Variants in ENTPD1 observed in about 807,000 individuals in gnomAD.
ENTPD1 encodes the protein ATP diphosphohydrolase.
ENTPD1 carries 33 observed loss-of-function variants against 57.0 expected under a neutral mutation model. The ratio of observed to expected loss-of-function variants is 0.58; its 90% confidence interval spans 0.44 to 0.77. The LOEUF (loss-of-function observed/expected upper bound fraction) is 0.77. Among genes scored for constraint, ENTPD1 ranks in the 30% least tolerant of loss-of-function variants. The probability of loss-of-function intolerance (pLI) is 0.00; values close to 1 mark genes in which losing one functional copy is unlikely to be tolerated. For synonymous variants in ENTPD1, 202 were observed against 218.8 expected, an observed-to-expected ratio of 0.92 and a Z score of 0.68; for missense variants, 501 against 603.4, an observed-to-expected ratio of 0.83 and a Z score of 1.78.
chr10:95,739,233 G>A (rs1486195541), intron 1 of ENTPD1, among the ~76,000 whole-genome samples: 1 of 152,108 alleles, frequency 6.6e-6, no homozygotes, highest in Non-Finnish European at 1.5e-5. Flanking sequence ...GGTGGCTGTG[G>A]CAATTTCTTA....
Position 95,847,604 on chromosome 10 carries a change from A to G in ENTPD1, c.972A>G (p.Gln324=), listed in dbSNP as rs376745066. Residue 324 remains glutamine (Q), a synonymous_variant, in exon 7 of 10, where the codon CAA becomes CAG. Coordinates refer to ENST00000371205, the MANE Select transcript of ENTPD1 (RefSeq NM_001776.6). ...TCCAGGGTATTGGAAACTATCAACA[A>G]TGCCATCAAAGCATCCTGGAGCTCT... ...FEIQGIGNYQ[Q]CHQSILELFN... is the part of the protein sequence containing the mutation. The G allele has an allele frequency of 2.2e-5, 36 of 1,614,038 alleles. No individual in the cohort carries two copies. The African/African-American group carries it at 4.5e-4, about 20-fold the overall frequency.
At chr10:95,862,116 G>A (rs555738630) in intron 8 of ENTPD1, among the ~76,000 whole-genome samples, 44 of 152,286 alleles carry the variant, frequency 2.9e-4, no homozygotes, top group African/African-American at 1.0e-3. Context: ...GTTCTGCTCA[G>A]GTAAGTCATG....
At chr10:95,858,775 A>G (rs1417065976) in intron 7 of ENTPD1, among the ~76,000 whole-genome samples, 1 of 152,240 alleles carries the variant, frequency 6.6e-6, no homozygotes, top group Non-Finnish European at 1.5e-5. Flanking sequence ...CATTGCTCAT[A>G]GGGGAAATTG....
intron 2 of ENTPD1, among the ~76,000 whole-genome samples, chr10:95,837,040 A>T (rs1234620518): frequency 6.6e-6 from 1 of 152,230 alleles, no homozygotes; most frequent in South Asian, 2.1e-4. Context: ...AATTTGTGTT[A>T]AAATATGCTT....
chr10:95,866,243 G>C lies in ENTPD1; in HGVS notation c.1393G>C (p.Glu465Gln), dbSNP rs547395658. ...MLNLTNMIPAEQPLSTPLSHS... is the reference protein window; with the variant it reads ...MLNLTNMIPAQQPLSTPLSHS... ...GAACCTGACCAACATGATCCCAGCT[G>C]AGCAACCATTGTCCACACCTCTCTC... Residue 465 changes from glutamate to glutamine, a missense_variant, in exon 10 of 10, where the codon GAG becomes CAG. Transcript: ENST00000371205. 32 of 1,614,100 alleles carry C rather than the reference G, an allele frequency of 2.0e-5. 1 individual carries two copies. The African/African-American group carries it at 3.6e-4, about 18-fold the overall frequency.
upstream of ENTPD1, among the ~76,000 whole-genome samples, chr10:95,708,018 C>T (rs965642860): frequency 6.6e-6 from 1 of 151,628 alleles, no homozygotes; most frequent in Non-Finnish European, 1.5e-5. Flanking sequence ...TAGATTTTTC[C>T]AAATTAGATT....
In ENTPD1 at chr10:95,864,840, G is replaced by T. The variant is rs1294005875; in HGVS notation, c.1305G>T (p.Glu435Asp). The change falls in exon 9 of 10, where the codon GAG becomes GAT. Residue 435 changes from glutamate to aspartate, a missense_variant. By Grantham distance (45) the Glu-to-Asp change is conservative. Coordinates refer to ENST00000371205, the MANE Select transcript of ENTPD1 (RefSeq NM_001776.6). Reference sequence around the variant, plus strand: ...ATCATTTCACAGCTGATTCCTGGGAGCACATCCATTTCATTGGCAAGGTAA... The same window carrying T: ...ATCATTTCACAGCTGATTCCTGGGATCACATCCATTTCATTGGCAAGGTAA... ...QGYHFTADSW[E>D]HIHFIGKIQG... 1 of 1,613,726 alleles carries T rather than the reference G, an allele frequency of 6.2e-7. No individual in the cohort carries two copies. The highest frequency in any genetic ancestry group is 1.7e-5 in the Admixed American group (1 of 59,998).
At chr10:95,852,083 C>T (rs1255401629) in intron 7 of ENTPD1, among the ~76,000 whole-genome samples, 8 of 152,210 alleles carry the variant, frequency 5.3e-5, no homozygotes, top group Non-Finnish European at 1.2e-4. Context: ...ACATCCTCTC[C>T]AGCACCTGTC....
At chr10:95,802,778 G>T (rs2098255487) in intron 1 of ENTPD1, among the ~76,000 whole-genome samples, 1 of 152,162 alleles carries the variant, frequency 6.6e-6, no homozygotes, top group Admixed American at 6.5e-5. Context: ...CTCCGCAAAG[G>T]ACATGAACTC....
At chr10:95,751,868 T>A (rs1329383254), upstream of ENTPD1, among the ~76,000 whole-genome samples, 1 of 152,110 alleles carries the variant, frequency 6.6e-6, no homozygotes, top group Non-Finnish European at 1.5e-5. Context: ...CTGGTGCTCA[T>A]GGGAGTGGAC....
chr10:95,839,440 C>G, intron 2 of ENTPD1: 1 of 507,570 alleles, frequency 2.0e-6, no homozygotes, highest in Non-Finnish European at 3.6e-6. Context: ...CTAAACAATA[C>G]TGCTTCTTGG....
intron 1 of ENTPD1, among the ~76,000 whole-genome samples, chr10:95,761,199 A>G (rs890981805): frequency 6.6e-6 from 1 of 152,130 alleles, no homozygotes; most frequent in African/African-American, 2.4e-5. Flanking sequence ...GTGAAGAATC[A>G]CTAAATGTCT....
chr10:95,873,815 G>A lies in ENTPD1; in HGVS notation c.*7432G>A, dbSNP rs1451753880. 2.7e-5 allele frequency: 16 copies of A among 597,936 alleles called. No homozygotes were observed. Among genetic ancestry groups the A allele is most frequent in the Non-Finnish European group, 3.2e-5 (15 of 475,816 alleles). The allele number at this position is 597,936 out of a possible 1,614,324, so 37.0% of individuals were successfully genotyped here. ...GGGGAGGCCTCAAAATCAGGTGGGA[G>A]GCAAAAGGTACTTCTTACGTGGTGG... On this transcript the variant is annotated 3_prime_UTR_variant, in exon 10 of 10. Coordinates refer to ENST00000371205, the MANE Select transcript of ENTPD1 (RefSeq NM_001776.6).
rs756377451 is a variant in ENTPD1, at chr10:95,864,874, C to T, written c.1326+13C>T. 2 of 1,612,268 alleles carry T rather than the reference C, an allele frequency of 1.2e-6. No homozygotes were observed. Among genetic ancestry groups the T allele is most frequent in the East Asian group, 2.2e-5 (1 of 44,890 alleles). On this transcript the variant is annotated intron_variant, in intron 9 of 9. Transcript: ENST00000371205. Reference sequence around the variant, plus strand: ...TTTCATTGGCAAGGTAATTTGGGGGCCTGTTGGGCTGGGGGGAGGTTGGGG... The same window carrying T: ...TTTCATTGGCAAGGTAATTTGGGGGTCTGTTGGGCTGGGGGGAGGTTGGGG...
intron 2 of ENTPD1, among the ~76,000 whole-genome samples, chr10:95,838,005 A>C (rs2098414553): frequency 6.6e-6 from 1 of 151,970 alleles, no homozygotes; most frequent in Non-Finnish European, 1.5e-5. Context: ...ACACACCCAC[A>C]CACACAGCTA....
chr10:95,787,610 A>G (rs1433003721), intron 1 of ENTPD1, among the ~76,000 whole-genome samples: 1 of 152,178 alleles, frequency 6.6e-6, no homozygotes, highest in African/African-American at 2.4e-5. Context: ...TGGATGAAGT[A>G]TTTCTATTAC....
chr10:95,760,273 T>C (rs2098051173), intron 1 of ENTPD1, among the ~76,000 whole-genome samples: 1 of 152,208 alleles, frequency 6.6e-6, no homozygotes, highest in South Asian at 2.1e-4. Context: ...ACACTTCAGT[T>C]GGATCTAGAA....
chr10:95,707,146 C>T (rs1410230920), upstream of ENTPD1, among the ~76,000 whole-genome samples: 3 of 152,184 alleles, frequency 2.0e-5, no homozygotes, highest in South Asian at 2.1e-4. Context: ...CTCCATGCAG[C>T]GGGGACCTGG....
intron 1 of ENTPD1, among the ~76,000 whole-genome samples, chr10:95,811,886 T>A (rs564007320): frequency 2.1e-4 from 32 of 152,332 alleles, no homozygotes; most frequent in African/African-American, 7.5e-4. Context: ...AATGTCGCTG[T>A]CTATGCACCA....
Sources: gnomAD v4.1 joint callset for allele counts (sites outside exome capture counted in the v4.1 genomes callset) on GRCh38, gnomAD v4.1.1 for gene constraint, MANE v1.5 for transcripts, NCBI Gene and HGNC (gene_info 2026-07-23, HGNC 2026-07-21) for gene names.